The following KCNJ6 variants were observed in gnomAD, a reference collection of about 807,000 sequenced individuals.
KCNJ6 encodes potassium inwardly rectifying channel subfamily J member 6.
KCNJ6 carries 9 observed loss-of-function variants against 34.2 expected under a neutral mutation model. The observed-to-expected ratio is 0.26, with a 90% CI of 0.16 to 0.46. KCNJ6 has a LOEUF of 0.46. Ranked by LOEUF, KCNJ6 falls within the 20% of genes least tolerant of loss-of-function variation. KCNJ6 has a pLI of 1.00. For missense variants in KCNJ6, 236 were observed against 531.3 expected (o/e 0.44, Z 5.46); for synonymous variants, 196 against 207.1 (o/e 0.95, Z 0.46).
At chr21:37,909,233 T>G (rs1226504267) in intron 1 of KCNJ6, among the ~76,000 whole-genome samples, 1 of 152,258 alleles carries the variant, frequency 6.6e-6, no homozygotes, top group African/African-American at 2.4e-5. Flanking sequence ...AGATATTTTC[T>G]GTTTCAAGAA....
At chr21:37,727,403 TGAA>T (rs2123463861) in intron 2 of KCNJ6, among the ~76,000 whole-genome samples, 1 of 151,822 alleles carries the variant, frequency 6.6e-6, no homozygotes, top group South Asian at 2.1e-4. Context: ...TGAGTGTAGA[TGAA>T]GTATTTAAAG....
At chr21:37,713,708 G>A (rs370378137) in intron 3 of KCNJ6, among the ~76,000 whole-genome samples, 2 of 152,284 alleles carry the variant, frequency 1.3e-5, no homozygotes, top group African/African-American at 4.8e-5. Context: ...TGAATGTGGA[G>A]AGATACTAGG....
At chr21:37,723,317 C>CTGTT (rs2054836477) in intron 2 of KCNJ6, among the ~76,000 whole-genome samples, 1 of 152,182 alleles carries the variant, frequency 6.6e-6, no homozygotes, top group African/African-American at 2.4e-5. Context: ...AACTTATATA[C>CTGTT]TGTTGGTGGA....
intron 2 of KCNJ6, among the ~76,000 whole-genome samples, chr21:37,741,531 G>A (rs1474810282): frequency 3.9e-5 from 6 of 152,092 alleles, no homozygotes; most frequent in Admixed American, 2.6e-4. Flanking sequence ...TTAGACTCAG[G>A]GTTGTGATGG....
Position 37,612,446 on chromosome 21 carries a change from T to C in KCNJ6, c.*12713A>G, listed in dbSNP as rs530939068. 2 of 152,300 alleles carry C rather than the reference T, an allele frequency of 1.3e-5. No homozygotes were observed. Among genetic ancestry groups the C allele is most frequent in the South Asian group, 2.1e-4 (1 of 4,828 alleles). 9.4% of individuals were successfully genotyped at this position (152,300 alleles called of 1,614,324 possible). ...TTCCCAGCTTCCTCTGTAGATTAAA[T>C]ACAATCCCAATAAAAATCTCAGCAA... On this transcript the variant is annotated 3_prime_UTR_variant, in exon 4 of 4. Coordinates refer to ENST00000609713, the MANE Select transcript of KCNJ6 (RefSeq NM_002240.5).
At chr21:37,850,155 T>C (rs2055530207) in intron 1 of KCNJ6, among the ~76,000 whole-genome samples, 1 of 152,174 alleles carries the variant, frequency 6.6e-6, no homozygotes, top group Non-Finnish European at 1.5e-5. Context: ...CTTTTGTTTT[T>C]CTTTGTATGA....
At chr21:37,853,853 T>TATCTATATATATAC (rs2123593873) in intron 1 of KCNJ6, among the ~76,000 whole-genome samples, 1 of 142,278 alleles carries the variant, frequency 7.0e-6, no homozygotes, top group African/African-American at 2.7e-5. Flanking sequence ...TATGTATATA[T>TATCTATATATATAC]ATATATATAA....
intron 3 of KCNJ6, among the ~76,000 whole-genome samples, chr21:37,707,969 G>A (rs2054730175): frequency 6.6e-6 from 1 of 151,980 alleles, no homozygotes; most frequent in Non-Finnish European, 1.5e-5. Context: ...TTAGAGTTTG[G>A]GTCTGAGCTA....
intron 3 of KCNJ6, among the ~76,000 whole-genome samples, chr21:37,651,745 G>A (rs1325053000): frequency 6.6e-6 from 1 of 152,176 alleles, no homozygotes; most frequent in Non-Finnish European, 1.5e-5. Flanking sequence ...GAGTGTGTGA[G>A]TTTAGTTTGG....
intron 1 of KCNJ6, among the ~76,000 whole-genome samples, chr21:37,895,969 A>G (rs1000825530): frequency 1.3e-5 from 2 of 152,124 alleles, no homozygotes; most frequent in South Asian, 4.1e-4. Context: ...AATGCCTGAG[A>G]CTGGGTACTT....
At chr21:37,671,563 G>A (rs1003067119) in intron 3 of KCNJ6, among the ~76,000 whole-genome samples, 14 of 152,336 alleles carry the variant, frequency 9.2e-5, no homozygotes, top group African/African-American at 2.4e-4. Context: ...ATGGGGTTGC[G>A]GGAACTCCCA....
At chr21:37,717,753 G>A (rs2054801206) in intron 2 of KCNJ6, among the ~76,000 whole-genome samples, 1 of 152,206 alleles carries the variant, frequency 6.6e-6, no homozygotes, top group Admixed American at 6.5e-5. Context: ...GCTGTGCAAA[G>A]CCACCCTAAG....
At chr21:37,663,096 G>A (rs2054497484) in intron 3 of KCNJ6, among the ~76,000 whole-genome samples, 1 of 152,106 alleles carries the variant, frequency 6.6e-6, no homozygotes, top group Non-Finnish European at 1.5e-5. Flanking sequence ...TAGGTGAGAT[G>A]AAATGGAAAT....
intron 2 of KCNJ6, among the ~76,000 whole-genome samples, chr21:37,749,771 T>A (rs534088962): frequency 6.6e-6 from 1 of 152,356 alleles, no homozygotes; most frequent in African/African-American, 2.4e-5. Context: ...AGGAAAGTCC[T>A]CTAACTTAAC....
chr21:37,684,070 T>C (rs147729670), intron 3 of KCNJ6, among the ~76,000 whole-genome samples: 1 of 152,358 alleles, frequency 6.6e-6, no homozygotes, highest in Non-Finnish European at 1.5e-5. Context: ...ATAATTGTTG[T>C]CTGAGTCTCC....
intron 3 of KCNJ6, among the ~76,000 whole-genome samples, chr21:37,677,558 G>A (rs915162734): frequency 1.3e-5 from 2 of 150,860 alleles, no homozygotes; most frequent in African/African-American, 4.9e-5. Flanking sequence ...TATGCTTTAT[G>A]TTTCATATGA....
chr21:37,784,518 A>G (rs372244762), intron 2 of KCNJ6, among the ~76,000 whole-genome samples: 1 of 152,188 alleles, frequency 6.6e-6, no homozygotes, highest in East Asian at 1.9e-4. Context: ...GTCTTTGCAC[A>G]TGTTATAGGT....
intron 2 of KCNJ6, among the ~76,000 whole-genome samples, chr21:37,796,983 C>T (rs375462506): frequency 2.0e-5 from 3 of 151,156 alleles, no homozygotes; most frequent in Admixed American, 6.6e-5. Context: ...TTAGTAGAGA[C>T]GGGGTTTCAC....
chr21:37,625,123 T>TG lies in KCNJ6; in HGVS notation c.*35dup. ...AATGAGAGACAAGGAAAGATTGTGT[T>TG]GGGGGGAGAAGAGAAGGGTTTGCCC... On this transcript the variant is annotated 3_prime_UTR_variant, in exon 4 of 4. Coordinates refer to ENST00000609713, the MANE Select transcript of KCNJ6 (RefSeq NM_002240.5). The TG allele has an allele frequency of 2.2e-6, 3 of 1,380,004 alleles. No individual in the cohort carries two copies. Among genetic ancestry groups the TG allele is most frequent in the South Asian group, 2.4e-5 (2 of 82,414 alleles). 85.5% of individuals were successfully genotyped at this position (1,380,004 alleles called of 1,614,324 possible). A position where few individuals can be genotyped will look rare whatever the true frequency, so the allele number is the denominator to read the frequency against.
Sources: allele counts gnomAD v4.1 joint callset (sites outside exome capture counted in the v4.1 genomes callset), GRCh38; gene constraint gnomAD v4.1.1; transcripts MANE v1.5; gene names NCBI Gene and HGNC (gene_info 2026-07-23, HGNC 2026-07-21).